The following GPC6 variants were observed in gnomAD, a reference collection of about 807,000 sequenced individuals.
The protein encoded by GPC6 is glypican 6.
In GPC6, 14 loss-of-function variants were observed where a neutral mutation model predicts 55.2. The observed-to-expected ratio is 0.25, with a 90% CI of 0.17 to 0.40. The LOEUF (loss-of-function observed/expected upper bound fraction) is 0.40, where lower values mean the gene tolerates loss of function less well. GPC6 is among the 10% of genes least tolerant of loss of function. GPC6 has a pLI of 1.00. For synonymous variants in GPC6, 278 were observed against 259.6 expected (o/e 1.07, Z -0.68); for missense variants, 641 against 708.5 (o/e 0.90, Z 1.08).
chr13:94,322,285 C>T (rs1876869182), intron 6 of GPC6, among the ~76,000 whole-genome samples: 1 of 152,210 alleles, frequency 6.6e-6, no homozygotes, highest in Non-Finnish European at 1.5e-5. Context: ...GAGGCCTCCC[C>T]AGTCACGTGG....
intron 1 of GPC6, among the ~76,000 whole-genome samples, chr13:93,249,335 T>C (rs1223879546): frequency 6.6e-6 from 1 of 152,242 alleles, no homozygotes; most frequent in Non-Finnish European, 1.5e-5. Flanking sequence ...AATTGCTGTG[T>C]ATTTCTGAAA....
chr13:94,135,844 C>T (rs1028844014), intron 4 of GPC6, among the ~76,000 whole-genome samples: 5 of 152,128 alleles, frequency 3.3e-5, no homozygotes, highest in Non-Finnish European at 4.4e-5. Context: ...GCCAGGGATG[C>T]CACAGAAACC....
chr13:93,291,520 G>A (rs959036732), intron 1 of GPC6, among the ~76,000 whole-genome samples: 7 of 151,998 alleles, frequency 4.6e-5, no homozygotes, highest in Non-Finnish European at 1.0e-4. Flanking sequence ...TCTACTTGGA[G>A]CCTTAGAATA....
At chr13:93,699,637 C>G (rs1882600513) in intron 2 of GPC6, among the ~76,000 whole-genome samples, 1 of 151,946 alleles carries the variant, frequency 6.6e-6, no homozygotes, top group African/African-American at 2.4e-5. Context: ...TGTTTTTCCT[C>G]AAAAGTCTTT....
At chr13:94,372,645 C>A (rs1283457310) in intron 6 of GPC6, among the ~76,000 whole-genome samples, 1 of 152,156 alleles carries the variant, frequency 6.6e-6, no homozygotes, top group African/African-American at 2.4e-5. Flanking sequence ...GGAGGGGCGC[C>A]CGCCATTGCC....
chr13:93,654,337 A>G (rs1363617259), intron 2 of GPC6, among the ~76,000 whole-genome samples: 2 of 150,948 alleles, frequency 1.3e-5, no homozygotes, highest in Admixed American at 1.3e-4. Context: ...CACTATTATT[A>G]CTATTTTTGA....
intron 4 of GPC6, among the ~76,000 whole-genome samples, chr13:94,239,692 A>C (rs117275696): frequency 0.014 from 2,201 of 152,264 alleles, 22 homozygotes; most frequent in Non-Finnish European, 0.023. Context: ...TTTCCTGGGA[A>C]TCTTACCTCC....
intron 5 of GPC6, among the ~76,000 whole-genome samples, chr13:94,304,117 T>C (rs1223248531): frequency 1.3e-5 from 2 of 152,250 alleles, no homozygotes; most frequent in East Asian, 3.8e-4. Flanking sequence ...GGAAGTGATT[T>C]AGGCACTACG....
chr13:93,476,076 C>T (rs1348267285), intron 1 of GPC6, among the ~76,000 whole-genome samples: 1 of 151,546 alleles, frequency 6.6e-6, no homozygotes, highest in African/African-American at 2.4e-5. Context: ...GTATGGTCTC[C>T]CTATATTTTA....
intron 4 of GPC6, among the ~76,000 whole-genome samples, chr13:94,100,928 T>G (rs1251044501): frequency 6.6e-6 from 1 of 152,206 alleles, no homozygotes; most frequent in Non-Finnish European, 1.5e-5. Context: ...GAAGATATAC[T>G]GGGGGATATT....
intron 3 of GPC6, among the ~76,000 whole-genome samples, chr13:93,855,379 A>G (rs1277375968): frequency 6.6e-6 from 1 of 151,592 alleles, no homozygotes; most frequent in Non-Finnish European, 1.5e-5. Flanking sequence ...TTTAAGATTC[A>G]ATAATATTCC....
At chr13:94,228,989 A>C (rs964284443) in intron 4 of GPC6, among the ~76,000 whole-genome samples, 1 of 152,324 alleles carries the variant, frequency 6.6e-6, no homozygotes. Context: ...TAAAGTCTAA[A>C]TATGGTAATG....
chr13:93,500,398 G>A lies in GPC6; in HGVS notation c.161-44865G>A, dbSNP rs182308407. ...AGAGCTTCAGATCGTTGGAATAAAA[G>A]AGCATTTGAGGAACAGTTGGAGCCG... On this transcript the variant is annotated intron_variant, in intron 1 of 8. Coordinates refer to ENST00000377047, the MANE Select transcript of GPC6 (RefSeq NM_005708.5). Among the ~76,000 whole-genome samples, 430 of 152,274 alleles carry A rather than the reference G, an allele frequency of 2.8e-3. 2 individuals carry two copies. The highest frequency in any genetic ancestry group is 5.2e-3 in the Non-Finnish European group (353 of 68,002).
chr13:94,120,791 A>G (rs1363723559), intron 4 of GPC6, among the ~76,000 whole-genome samples: 2 of 152,116 alleles, frequency 1.3e-5, no homozygotes, highest in Non-Finnish European at 2.9e-5. Context: ...AGGAGGAATC[A>G]ATGAATCAGG....
At chr13:93,960,635 A>G (rs1176825026) in intron 3 of GPC6, among the ~76,000 whole-genome samples, 1 of 152,092 alleles carries the variant, frequency 6.6e-6, no homozygotes, top group African/African-American at 2.4e-5. Flanking sequence ...CTAAACATTT[A>G]AAAGTACTAA....
chr13:94,198,064 A>C (rs774386091), intron 4 of GPC6, among the ~76,000 whole-genome samples: 1 of 152,224 alleles, frequency 6.6e-6, no homozygotes. Flanking sequence ...TGATCAAATT[A>C]TATTTCCCAC....
chr13:93,642,774 C>CA (rs1259663577), intron 2 of GPC6, among the ~76,000 whole-genome samples: 6 of 151,982 alleles, frequency 3.9e-5, no homozygotes, highest in Non-Finnish European at 8.8e-5. Context: ...AAAAACAATA[C>CA]AAAAATGAAG....
chr13:93,475,903 A>C (rs1196151222), intron 1 of GPC6, among the ~76,000 whole-genome samples: 1 of 152,102 alleles, frequency 6.6e-6, no homozygotes, highest in African/African-American at 2.4e-5. Flanking sequence ...ATAATTCATG[A>C]TATTGCTAAT....
chr13:94,120,059 G>A (rs1289721779), intron 4 of GPC6, among the ~76,000 whole-genome samples: 1 of 152,096 alleles, frequency 6.6e-6, no homozygotes, highest in African/African-American at 2.4e-5. Flanking sequence ...TAAATATAAT[G>A]TATATAATTA....
Sources: gnomAD v4.1 joint callset for allele counts (sites outside exome capture counted in the v4.1 genomes callset) on GRCh38, gnomAD v4.1.1 for gene constraint, MANE v1.5 for transcripts, NCBI Gene and HGNC (gene_info 2026-07-23, HGNC 2026-07-21) for gene names.